The following LINGO1 variants were observed in gnomAD, a reference collection of about 807,000 sequenced individuals.
The protein encoded by LINGO1 is leucine rich repeat and Ig domain containing 1.
In LINGO1, 11 loss-of-function variants were observed where a neutral mutation model predicts 37.3. The observed-to-expected ratio is 0.29, with a 90% CI of 0.19 to 0.49. The LOEUF is 0.49. Ranked by LOEUF, LINGO1 falls within the 20% of genes least tolerant of loss-of-function variation. The probability of loss-of-function intolerance (pLI) is 0.99; values close to 1 mark genes in which losing one functional copy is unlikely to be tolerated. For missense variants in LINGO1, 585 were observed against 878.2 expected (o/e 0.67, Z 4.22); for synonymous variants, 387 against 403.0 (o/e 0.96, Z 0.48).
chr15:77,735,578 C>A (rs1181670107), intron 1 of LINGO1, among the ~76,000 whole-genome samples: 2 of 152,202 alleles, frequency 1.3e-5, no homozygotes, highest in Non-Finnish European at 2.9e-5. Flanking sequence ...ACCCTGGGAC[C>A]CTAACTGTGC....
chr15:77,776,674 A>G (rs1332050520), intron 1 of LINGO1, among the ~76,000 whole-genome samples: 2 of 152,156 alleles, frequency 1.3e-5, no homozygotes, highest in Admixed American at 6.5e-5. Flanking sequence ...GAAGAAAACA[A>G]GCCTCTTGTT....
chr15:77,820,079 G>A (rs2077085431), intron 1 of LINGO1: 1 of 151,750 alleles, frequency 6.6e-6, no homozygotes, highest in Non-Finnish European at 1.5e-5. Flanking sequence ...GCGGGGCCCA[G>A]GGTTCGAGCG....
At chr15:77,740,935 C>A (rs58813188) in intron 1 of LINGO1, among the ~76,000 whole-genome samples, 56,855 of 152,090 alleles carry the variant, frequency 0.37, 11,469 homozygotes, top group Admixed American at 0.52. Flanking sequence ...CAGCCTCCCT[C>A]CTGTCCCTAA....
chr15:77,684,899 G>T (rs1477258499), intron 2 of LINGO1, among the ~76,000 whole-genome samples: 1 of 152,194 alleles, frequency 6.6e-6, no homozygotes, highest in African/African-American at 2.4e-5. Context: ...AAGCCTACAA[G>T]GGGCTGGGCA....
upstream of LINGO1, among the ~76,000 whole-genome samples, chr15:77,638,288 T>G (rs553564090): frequency 1.7e-5 from 2 of 118,694 alleles, no homozygotes; most frequent in South Asian, 5.2e-4. Flanking sequence ...CCCGCCGAAG[T>G]TCCCCCCAGG....
At chr15:77,634,889 G>C (rs1320233926), upstream of LINGO1, among the ~76,000 whole-genome samples, 1 of 152,196 alleles carries the variant, frequency 6.6e-6, no homozygotes, top group African/African-American at 2.4e-5. Flanking sequence ...CACCCGGCGG[G>C]CGCGCAGACC....
upstream of LINGO1, among the ~76,000 whole-genome samples, chr15:77,701,339 T>C (rs2075779889): frequency 1.3e-5 from 2 of 151,932 alleles, no homozygotes; most frequent in Admixed American, 1.3e-4. Context: ...CCTGAGGAGA[T>C]GAGGAGAAAA....
At chr15:77,697,582 T>A (rs943187676), upstream of LINGO1, among the ~76,000 whole-genome samples, 6 of 152,076 alleles carry the variant, frequency 3.9e-5, no homozygotes, top group Non-Finnish European at 7.4e-5. Context: ...CATTCACTCA[T>A]TCATTCACTC....
chr15:77,781,427 T>A (rs1288328908), intron 1 of LINGO1, among the ~76,000 whole-genome samples: 1 of 152,218 alleles, frequency 6.6e-6, no homozygotes, highest in Non-Finnish European at 1.5e-5. Context: ...AGAAGCTCTA[T>A]AAATAAATAT....
At chr15:77,743,997 C>T (rs2076289718) in intron 1 of LINGO1, among the ~76,000 whole-genome samples, 1 of 152,156 alleles carries the variant, frequency 6.6e-6, no homozygotes, top group Non-Finnish European at 1.5e-5. Flanking sequence ...TCCTGAGGGT[C>T]CCCAGTGGAT....
chr15:77,784,152 G>C lies in LINGO1; in HGVS notation c.-257+2717C>G, dbSNP rs138234109. ...TGGGTGGTCTGAGGTGGGGGGACTG[G>C]CAGGCCGGGGTCTCCGGGAGGTCCC... On this transcript the variant is annotated intron_variant, in intron 1 of 3. Transcript: ENST00000561686. 8.1e-3 allele frequency among the ~76,000 whole-genome samples: 1,238 copies of C among 152,360 alleles called. 15 individuals are homozygous for C. The highest frequency in any genetic ancestry group is 0.028 in the African/African-American group (1,147 of 41,574).
intron 1 of LINGO1, among the ~76,000 whole-genome samples, chr15:77,745,869 C>T (rs1442982291): frequency 6.6e-6 from 1 of 152,010 alleles, no homozygotes; most frequent in Non-Finnish European, 1.5e-5. Context: ...GGGGTGGGGT[C>T]ACCAGATAGT....
chr15:77,771,431 G>A (rs1487600179), intron 1 of LINGO1, among the ~76,000 whole-genome samples: 1 of 152,144 alleles, frequency 6.6e-6, no homozygotes, highest in Non-Finnish European at 1.5e-5. Flanking sequence ...TGACCCCACA[G>A]TCTAGTGTCC....
chr15:77,641,954 T>C (rs781476904), intron 3 of LINGO1: 2 of 456,700 alleles, frequency 4.4e-6, no homozygotes, highest in Admixed American at 2.3e-5. Flanking sequence ...CGGAGTGGTC[T>C]TGGGTAAGTC....
At chr15:77,687,481 G>T (rs2141242769) in intron 2 of LINGO1, among the ~76,000 whole-genome samples, 1 of 152,312 alleles carries the variant, frequency 6.6e-6, no homozygotes, top group East Asian at 1.9e-4. Context: ...TACTATGCCT[G>T]CCTTCTATCC....
At chr15:77,800,201 T>G (rs1196135261) in intron 1 of LINGO1, among the ~76,000 whole-genome samples, 2 of 152,152 alleles carry the variant, frequency 1.3e-5, no homozygotes, top group Admixed American at 1.3e-4. Flanking sequence ...CCAGCCCACA[T>G]GACTTGGGGC....
chr15:77,633,900 C>G (rs2074340739), upstream of LINGO1, among the ~76,000 whole-genome samples: 1 of 152,212 alleles, frequency 6.6e-6, no homozygotes, highest in African/African-American at 2.4e-5. Flanking sequence ...TTTCCCTATA[C>G]TACCCCCTCC....
intron 2 of LINGO1, among the ~76,000 whole-genome samples, chr15:77,726,040 C>T (rs549410988): frequency 7.0e-4 from 107 of 152,344 alleles, no homozygotes; most frequent in African/African-American, 2.5e-3. Flanking sequence ...ATGGTGAGAA[C>T]TGCCTCTCAC....
chr15:77,620,745 T>G (rs2073892288), intron 1 of LINGO1, among the ~76,000 whole-genome samples: 1 of 152,216 alleles, frequency 6.6e-6, no homozygotes, highest in Non-Finnish European at 1.5e-5. Context: ...AGAATCTCTC[T>G]GTGGGAGGGG....
Sources: allele counts gnomAD v4.1 joint callset (sites outside exome capture counted in the v4.1 genomes callset), GRCh38; gene constraint gnomAD v4.1.1; transcripts MANE v1.5; gene names NCBI Gene and HGNC (gene_info 2026-07-23, HGNC 2026-07-21).